The following PTPRM variants were observed in gnomAD, a reference collection of about 807,000 sequenced individuals.
PTPRM encodes receptor-type tyrosine-protein phosphatase mu.
A neutral mutation model predicts 186.7 loss-of-function variants in PTPRM; 47 were observed. That is an observed-to-expected ratio of 0.25 (90% CI 0.20 to 0.32). PTPRM has a LOEUF of 0.32. Ranked by LOEUF, PTPRM falls within the 10% of genes least tolerant of loss-of-function variation. The pLI is 1.00. For synonymous variants in PTPRM, 668 were observed against 674.9 expected (o/e 0.99, Z 0.16); for missense variants, 1,494 against 1,865.0 (o/e 0.80, Z 3.66).
chr18:7,589,538 A>G (rs1296582929), intron 1 of PTPRM, among the ~76,000 whole-genome samples: 1 of 152,102 alleles, frequency 6.6e-6, no homozygotes, highest in African/African-American at 2.4e-5. Flanking sequence ...TGAAAGTGTG[A>G]CATCCTCCCC....
chr18:8,083,347 C>T (rs2090250260), intron 9 of PTPRM, among the ~76,000 whole-genome samples: 1 of 152,142 alleles, frequency 6.6e-6, no homozygotes, highest in African/African-American at 2.4e-5. Flanking sequence ...ACCACACCGA[C>T]CTCCTTTCTG....
chr18:7,901,548 G>T (rs1032839803), intron 3 of PTPRM, among the ~76,000 whole-genome samples: 1 of 152,066 alleles, frequency 6.6e-6, no homozygotes, highest in African/African-American at 2.4e-5. Flanking sequence ...TGTATTTTTA[G>T]TAGAGACGGG....
At chr18:7,617,426 C>T (rs1214642553) in intron 1 of PTPRM, among the ~76,000 whole-genome samples, 4 of 152,090 alleles carry the variant, frequency 2.6e-5, no homozygotes, top group African/African-American at 9.7e-5. Flanking sequence ...TGTTTAAACA[C>T]CTTTCTCCTC....
chr18:7,878,773 C>A (rs562293959), intron 2 of PTPRM, among the ~76,000 whole-genome samples: 1 of 151,986 alleles, frequency 6.6e-6, no homozygotes, highest in African/African-American at 2.4e-5. Context: ...GTTTCTGAAT[C>A]AACACTAATT....
At chr18:7,929,922 A>T (rs1366842593) in intron 5 of PTPRM, among the ~76,000 whole-genome samples, 1 of 152,236 alleles carries the variant, frequency 6.6e-6, no homozygotes, top group African/African-American at 2.4e-5. Flanking sequence ...GGTCCTCAAA[A>T]TAATCCTGAG....
intron 5 of PTPRM, among the ~76,000 whole-genome samples, chr18:7,943,909 C>G (rs915276316): frequency 6.6e-6 from 1 of 152,052 alleles, no homozygotes; most frequent in Admixed American, 6.6e-5. Flanking sequence ...TAACATAGTC[C>G]CAGATTCTGG....
At chr18:7,575,762 T>TA in intron 1 of PTPRM, among the ~76,000 whole-genome samples, 1 of 152,324 alleles carries the variant, frequency 6.6e-6, no homozygotes, top group Non-Finnish European at 1.5e-5. Flanking sequence ...GTACTTTTCT[T>TA]ACGTCTGCAA....
At chr18:8,259,146 G>A (rs946208456) in intron 19 of PTPRM, among the ~76,000 whole-genome samples, 7 of 151,854 alleles carry the variant, frequency 4.6e-5, no homozygotes, top group Non-Finnish European at 8.8e-5. Context: ...ATGGATTTTC[G>A]CCATGTTACC....
intron 1 of PTPRM, among the ~76,000 whole-genome samples, chr18:7,623,958 A>T (rs979552492): frequency 6.6e-6 from 1 of 152,122 alleles, no homozygotes; most frequent in Non-Finnish European, 1.5e-5. Context: ...AGACCAAATT[A>T]TGAGAGAAGG....
At chr18:7,601,644 A>G (rs549746829) in intron 1 of PTPRM, among the ~76,000 whole-genome samples, 4 of 152,192 alleles carry the variant, frequency 2.6e-5, no homozygotes, top group African/African-American at 9.6e-5. Context: ...TTGTCATTGG[A>G]TTTGGGGTCT....
intron 2 of PTPRM, among the ~76,000 whole-genome samples, chr18:7,786,029 G>GA (rs1403206788): frequency 6.6e-6 from 1 of 152,078 alleles, no homozygotes; most frequent in Non-Finnish European, 1.5e-5. Flanking sequence ...ACTGAATACA[G>GA]AAAAAATCAT....
At chr18:7,652,778 A>G (rs1250043300) in intron 1 of PTPRM, among the ~76,000 whole-genome samples, 2 of 148,114 alleles carry the variant, frequency 1.4e-5, no homozygotes, top group Admixed American at 1.3e-4. Context: ...GGGGAGGGAT[A>G]GCATTGGGAG....
chr18:8,146,493 A>G (rs1241857773), intron 14 of PTPRM, among the ~76,000 whole-genome samples: 1 of 63,934 alleles, frequency 1.6e-5, no homozygotes, highest in Non-Finnish European at 2.9e-5. Flanking sequence ...CCACTTTTTA[A>G]TGGGATTGTT....
chr18:8,165,928 C>T (rs1056289496), intron 14 of PTPRM, among the ~76,000 whole-genome samples: 1 of 152,114 alleles, frequency 6.6e-6, no homozygotes, highest in East Asian at 1.9e-4. Flanking sequence ...GGGCTCGGGT[C>T]CCTCTCAGTT....
chr18:7,794,530 C>T (rs548891136), intron 2 of PTPRM, among the ~76,000 whole-genome samples: 1 of 152,192 alleles, frequency 6.6e-6, no homozygotes, highest in African/African-American at 2.4e-5. Context: ...CCATAGGGCC[C>T]AAGTCTCATC....
chr18:7,701,348 C>T (rs2039962218), intron 1 of PTPRM, among the ~76,000 whole-genome samples: 1 of 150,846 alleles, frequency 6.6e-6, no homozygotes, highest in African/African-American at 2.4e-5. Flanking sequence ...CACCTGTAAT[C>T]CCAGCACTTT....
At chr18:7,580,598 A>G (rs530996931) in intron 1 of PTPRM, among the ~76,000 whole-genome samples, 1 of 152,318 alleles carries the variant, frequency 6.6e-6, no homozygotes, top group South Asian at 2.1e-4. Flanking sequence ...ATAACCATAT[A>G]TTGAGCACTA....
At chr18:8,351,363 T>C (rs1334198244) in intron 23 of PTPRM, among the ~76,000 whole-genome samples, 1 of 152,214 alleles carries the variant, frequency 6.6e-6, no homozygotes, top group East Asian at 1.9e-4. Flanking sequence ...AGATTCGTCA[T>C]CTGTTAAGCA....
chr18:8,287,550 A>G (rs117999234), intron 19 of PTPRM, among the ~76,000 whole-genome samples: 1,579 of 152,336 alleles, frequency 0.01, 9 homozygotes, highest in Middle Eastern at 0.017. Flanking sequence ...GCTGCTCTCC[A>G]AAGGAAGGGA....
Sources: gnomAD v4.1 joint callset for allele counts (sites outside exome capture counted in the v4.1 genomes callset) on GRCh38, gnomAD v4.1.1 for gene constraint, MANE v1.5 for transcripts, NCBI Gene and HGNC (gene_info 2026-07-23, HGNC 2026-07-21) for gene names.